ATE1: variants seen among roughly 807,000 people sequenced by gnomAD.
ATE1 encodes the protein arginyl-tRNA--protein transferase 1.
A neutral mutation model predicts 70.5 loss-of-function variants in ATE1; 36 were observed. That is an observed-to-expected ratio of 0.51 (90% CI 0.39 to 0.67). The LOEUF is 0.67. Among genes scored for constraint, ATE1 ranks in the 30% least tolerant of loss-of-function variants. The pLI, the probability that ATE1 is intolerant of heterozygous loss-of-function variation, is 0.00. For synonymous variants in ATE1, 232 were observed against 219.3 expected (o/e 1.06, Z -0.51); for missense variants, 593 against 629.5 (o/e 0.94, Z 0.62).
chr10:121,894,326 C>A (rs1233480254), intron 7 of ATE1, among the ~76,000 whole-genome samples: 1 of 151,954 alleles, frequency 6.6e-6, no homozygotes, highest in Non-Finnish European at 1.5e-5. Context: ...AAACAAAAAC[C>A]CAGGTCAATT....
intron 10 of ATE1, among the ~76,000 whole-genome samples, chr10:121,823,251 C>T (rs1947872632): frequency 6.6e-6 from 1 of 152,064 alleles, no homozygotes; most frequent in African/African-American, 2.4e-5. Flanking sequence ...GATCGCACCA[C>T]TGCATTACAG....
At chr10:121,761,106 CTT>C (rs1945021621) in intron 11 of ATE1, among the ~76,000 whole-genome samples, 1 of 152,212 alleles carries the variant, frequency 6.6e-6, no homozygotes, top group Admixed American at 6.5e-5. Context: ...TGCTTCCTCT[CTT>C]GCCATGTGAT....
In ATE1 at chr10:121,742,684, T is replaced by A. The variant is rs1251010967; in HGVS notation, c.*996A>T. The A allele has an allele frequency of 6.6e-6, 1 of 152,228 alleles. No individual in the cohort carries two copies. The highest frequency in any genetic ancestry group is 1.5e-5 in the Non-Finnish European group (1 of 68,054). 9.4% of individuals were successfully genotyped at this position (152,228 alleles called of 1,614,324 possible). On this transcript the variant is annotated 3_prime_UTR_variant, in exon 12 of 12. Coordinates refer to ENST00000224652, the MANE Select transcript of ATE1 (RefSeq NM_001001976.3). ...AGGGTGGCAGAAGCCACCCTGACTG[T>A]GACTCTCAAATCAAAGGACAAGAAA...
intron 7 of ATE1, among the ~76,000 whole-genome samples, chr10:121,874,567 G>C (rs1051680318): frequency 1.3e-5 from 2 of 152,126 alleles, no homozygotes; most frequent in East Asian, 1.9e-4. Context: ...GGAGTAAAAA[G>C]GGCAGATTCA....
intron 5 of ATE1, among the ~76,000 whole-genome samples, chr10:121,906,788 G>A (rs1322540729): frequency 6.6e-6 from 1 of 151,888 alleles, no homozygotes; most frequent in Admixed American, 6.6e-5. Context: ...TAATGGAGAT[G>A]GGGTTTCACC....
At chr10:121,757,915 T>C (rs1944874420) in intron 11 of ATE1, among the ~76,000 whole-genome samples, 1 of 152,244 alleles carries the variant, frequency 6.6e-6, no homozygotes, top group African/African-American at 2.4e-5. Context: ...ATTTGTACTT[T>C]TCTCATTGTT....
chr10:121,826,511 T>G (rs1948021765), intron 10 of ATE1, among the ~76,000 whole-genome samples: 2 of 152,202 alleles, frequency 1.3e-5, no homozygotes, highest in Non-Finnish European at 2.9e-5. Context: ...TTTCACCATG[T>G]TGGCCAGGAT....
At chr10:121,884,238 C>T (rs548758257) in intron 7 of ATE1, among the ~76,000 whole-genome samples, 2 of 151,444 alleles carry the variant, frequency 1.3e-5, no homozygotes, top group African/African-American at 4.8e-5. Context: ...TCCTAAAATC[C>T]TTTCACCTCC....
rs199671046 is a variant in ATE1, at chr10:121,841,046, A to G, written c.1157+36T>C. Reference sequence around the variant, plus strand: ...AATGAGTAATTATTTGAAGTTCTATATAACCCACTACAATAACGGCAAAAA... The same window carrying G: ...AATGAGTAATTATTTGAAGTTCTATGTAACCCACTACAATAACGGCAAAAA... On this transcript the variant is annotated intron_variant, in intron 9 of 11. Coordinates refer to ENST00000224652, the MANE Select transcript of ATE1 (RefSeq NM_001001976.3). 37 of 1,437,830 alleles carry G rather than the reference A, an allele frequency of 2.6e-5. No individual in the cohort carries two copies. The East Asian group carries it at 9.0e-4, about 35-fold the overall frequency. The allele number at this position is 1,437,830 out of a possible 1,614,324, so 89.1% of individuals were successfully genotyped here.
At chr10:121,833,497 G>C (rs111467794) in intron 10 of ATE1, among the ~76,000 whole-genome samples, 1 of 152,308 alleles carries the variant, frequency 6.6e-6, no homozygotes, top group South Asian at 2.1e-4. Flanking sequence ...ACAGGAGATA[G>C]ACTAGTTCTG....
chr10:121,910,957 C>T lies in ATE1; in HGVS notation c.532G>A (p.Gly178Ser). 6.2e-7 allele frequency: 1 copy of T among 1,613,872 alleles called. No homozygotes were observed. Among genetic ancestry groups the T allele is most frequent in the Non-Finnish European group, 8.5e-7 (1 of 1,179,990 alleles). Residue 178 changes from glycine (G) to serine (S), a missense_variant, in exon 5 of 12, where the codon GGC (glycine) becomes AGC (serine). Physicochemically the swap from Gly to Ser is moderately conservative, Grantham distance 56. Transcript: ENST00000224652. ...ACTGAATGTGACGGTTCACCAGAGC[C>T]CAACTTCTCTCCTACGAAATCTTGT... ...QSQDFVGEKL[G>S]SGEPSHSVKV...
chr10:121,781,056 T>C (rs1005940580), intron 11 of ATE1, among the ~76,000 whole-genome samples: 1 of 152,216 alleles, frequency 6.6e-6, no homozygotes, highest in African/African-American at 2.4e-5. Context: ...TTAAGCTAGC[T>C]TTTTGTTTGT....
intron 11 of ATE1, among the ~76,000 whole-genome samples, chr10:121,761,538 C>A (rs1427568705): frequency 6.6e-6 from 1 of 152,092 alleles, no homozygotes; most frequent in African/African-American, 2.4e-5. Flanking sequence ...CTTTTATATG[C>A]ACTGGGAAAT....
rs369126133 is a variant in ATE1 at position 121,911,120 on chromosome 10, A to T, written c.369T>A (p.Ala123=). 133 of 1,608,654 alleles carry T rather than the reference A, an allele frequency of 8.3e-5. No individual in the cohort carries two copies. The highest frequency in any genetic ancestry group is 1.7e-4 in the South Asian group (15 of 89,388). ...DEPMDSTMDD[A]VAGDFALINK... is the part of the protein sequence containing the mutation. ...TTATCAATGCAAAGTCACCCGCAAC[A>T]GCATCATCCATTGTGGAATCCATGG... is the stretch of plus-strand genomic sequence containing the variant. Residue 123 remains alanine (A), a synonymous_variant, in exon 5 of 12, where the codon GCT becomes GCA. Coordinates refer to ENST00000224652, the MANE Select transcript of ATE1 (RefSeq NM_001001976.3).
chr10:121,755,125 C>T (rs1944742174), intron 11 of ATE1, among the ~76,000 whole-genome samples: 1 of 152,086 alleles, frequency 6.6e-6, no homozygotes, highest in African/African-American at 2.4e-5. Context: ...TCTAAAAAAA[C>T]AGAGAGAAAA....
chr10:121,779,429 A>G (rs1462638942), intron 11 of ATE1, among the ~76,000 whole-genome samples: 1 of 152,190 alleles, frequency 6.6e-6, no homozygotes, highest in Non-Finnish European at 1.5e-5. Flanking sequence ...CAATGGAAAG[A>G]GAAAAGGCAT....
intron 10 of ATE1, among the ~76,000 whole-genome samples, chr10:121,833,780 T>C (rs1948337400): frequency 6.6e-6 from 1 of 152,164 alleles, no homozygotes; most frequent in Non-Finnish European, 1.5e-5. Flanking sequence ...GGAGTAATTC[T>C]GAATTTAATA....
At chr10:121,821,166 G>A (rs1333700492) in intron 10 of ATE1, among the ~76,000 whole-genome samples, 2 of 152,096 alleles carry the variant, frequency 1.3e-5, no homozygotes, top group East Asian at 1.9e-4. Context: ...GGATGGTCTC[G>A]ATCTCCTGAC....
chr10:121,809,141 C>A (rs1298258644), intron 10 of ATE1, among the ~76,000 whole-genome samples: 3 of 152,174 alleles, frequency 2.0e-5, no homozygotes, highest in Non-Finnish European at 4.4e-5. Context: ...TAGTGATGAA[C>A]ACAAGTTTTC....
Sources: gnomAD v4.1 joint callset for allele counts (sites outside exome capture counted in the v4.1 genomes callset) on GRCh38, gnomAD v4.1.1 for gene constraint, MANE v1.5 for transcripts, NCBI Gene and HGNC (gene_info 2026-07-23, HGNC 2026-07-21) for gene names.